Variants in FHIT observed in about 807,000 individuals in gnomAD.
The protein encoded by FHIT is fragile histidine triad diadenosine triphosphatase.
FHIT carries 19 observed loss-of-function variants against 17.9 expected under a neutral mutation model. That is an observed-to-expected ratio of 1.06 (90% CI 0.74 to 1.56). The LOEUF (loss-of-function observed/expected upper bound fraction) is 1.56. Among genes scored for constraint, FHIT ranks in the 40% most tolerant of loss-of-function variants. The probability of loss-of-function intolerance (pLI) is 0.00; values close to 1 mark genes in which losing one functional copy is unlikely to be tolerated. For synonymous variants in FHIT, 81 were observed against 69.7 expected, an observed-to-expected ratio of 1.16 and a Z score of -0.81; for missense variants, 248 against 189.2, an observed-to-expected ratio of 1.31 and a Z score of -1.82.
intron 8 of FHIT, among the ~76,000 whole-genome samples, chr3:59,894,114 C>G (rs995550235): frequency 6.6e-6 from 1 of 151,996 alleles, no homozygotes; most frequent in African/African-American, 2.4e-5. Context: ...TGTGGTGGTG[C>G]ACGCCTGTAG....
At chr3:61,168,757 C>T (rs1429632920) in intron 2 of FHIT, among the ~76,000 whole-genome samples, 1 of 152,210 alleles carries the variant, frequency 6.6e-6, no homozygotes, top group African/African-American at 2.4e-5. Flanking sequence ...TGCATACGCT[C>T]AATTATGAAA....
At chr3:60,616,222 A>G (rs185948743) in intron 4 of FHIT, among the ~76,000 whole-genome samples, 1 of 152,336 alleles carries the variant, frequency 6.6e-6, no homozygotes, top group African/African-American at 2.4e-5. Context: ...ACCTGTTACA[A>G]AAACTCACCC....
At chr3:61,237,395 G>A (rs900641664) in intron 1 of FHIT, among the ~76,000 whole-genome samples, 3 of 152,088 alleles carry the variant, frequency 2.0e-5, no homozygotes, top group African/African-American at 7.2e-5. Flanking sequence ...TTATATTCCT[G>A]TCTTTAACAT....
At chr3:60,820,926 C>G (rs1701903265) in intron 4 of FHIT, among the ~76,000 whole-genome samples, 1 of 151,836 alleles carries the variant, frequency 6.6e-6, no homozygotes, top group Non-Finnish European at 1.5e-5. Context: ...TGACGACATG[C>G]TAGAGATTAC....
At chr3:60,189,756 T>C (rs988088804) in intron 5 of FHIT, among the ~76,000 whole-genome samples, 10 of 152,220 alleles carry the variant, frequency 6.6e-5, no homozygotes, top group Non-Finnish European at 1.5e-4. Flanking sequence ...GTTTTTTCAT[T>C]TCAAAAGAGT....
chr3:60,273,477 G>A (rs892550597), intron 5 of FHIT, among the ~76,000 whole-genome samples: 14 of 151,946 alleles, frequency 9.2e-5, no homozygotes, highest in African/African-American at 2.9e-4. Context: ...AGGGGTGGTG[G>A]CGGGTGCCTG....
chr3:60,031,753 C>G (rs9860649), intron 5 of FHIT, among the ~76,000 whole-genome samples: 9,711 of 152,126 alleles, frequency 0.064, 1,011 homozygotes, highest in African/African-American at 0.22. Context: ...GAGTTCTTAA[C>G]CTGGGGGTCC....
chr3:60,433,645 C>T (rs2029938108), intron 5 of FHIT, among the ~76,000 whole-genome samples: 2 of 152,066 alleles, frequency 1.3e-5, no homozygotes. Flanking sequence ...CACTGCGGTT[C>T]TGATTCACAG....
intron 3 of FHIT, among the ~76,000 whole-genome samples, chr3:60,997,664 G>T (rs1280675904): frequency 3.9e-5 from 6 of 152,162 alleles, no homozygotes; most frequent in Non-Finnish European, 7.4e-5. Context: ...CCTGCAAGAA[G>T]TAACTAGCAG....
intron 3 of FHIT, among the ~76,000 whole-genome samples, chr3:60,962,673 A>G (rs919348684): frequency 6.6e-6 from 1 of 152,226 alleles, no homozygotes; most frequent in Non-Finnish European, 1.5e-5. Flanking sequence ...CCTTTTCTGC[A>G]TCTACTGAGA....
intron 7 of FHIT, among the ~76,000 whole-genome samples, chr3:59,942,471 G>C (rs966605138): frequency 6.6e-6 from 1 of 152,096 alleles, no homozygotes; most frequent in Non-Finnish European, 1.5e-5. Flanking sequence ...AGTGAGGTTG[G>C]TAAAAGGAAG....
At chr3:60,297,221 A>ATC in intron 5 of FHIT, among the ~76,000 whole-genome samples, 1 of 152,138 alleles carries the variant, frequency 6.6e-6, no homozygotes, top group Non-Finnish European at 1.5e-5. Flanking sequence ...AAAACTCTGT[A>ATC]TCAACTTGGG....
At chr3:60,084,026 T>C (rs2107058717) in intron 5 of FHIT, among the ~76,000 whole-genome samples, 1 of 131,906 alleles carries the variant, frequency 7.6e-6, no homozygotes, top group South Asian at 2.4e-4. Flanking sequence ...CCACCACATA[T>C]TAAGTGGGGA....
intron 5 of FHIT, among the ~76,000 whole-genome samples, chr3:60,213,345 T>G (rs1270471207): frequency 6.6e-6 from 1 of 152,198 alleles, no homozygotes; most frequent in African/African-American, 2.4e-5. Context: ...CACAGCTTTT[T>G]TGTGTCAAGT....
chr3:61,168,254 G>A (rs1488875777), intron 2 of FHIT, among the ~76,000 whole-genome samples: 2 of 152,190 alleles, frequency 1.3e-5, no homozygotes, highest in African/African-American at 2.4e-5. Flanking sequence ...AGTTGTGAAA[G>A]AATCAGTAGG....
At chr3:60,269,086 T>C (rs949956597) in intron 5 of FHIT, among the ~76,000 whole-genome samples, 7 of 152,202 alleles carry the variant, frequency 4.6e-5, no homozygotes, top group South Asian at 2.1e-4. Context: ...TTAAGACTTC[T>C]GGCCTCCAGA....
chr3:60,081,152 T>G (rs1323529279), intron 5 of FHIT, among the ~76,000 whole-genome samples: 1 of 152,110 alleles, frequency 6.6e-6, no homozygotes, highest in Admixed American at 6.6e-5. Context: ...AATGTTCCCA[T>G]TAGAATCACC....
intron 4 of FHIT, among the ~76,000 whole-genome samples, chr3:60,711,365 C>T (rs879958368): frequency 9.9e-5 from 15 of 152,168 alleles, no homozygotes; most frequent in South Asian, 2.1e-4. Context: ...AAAAGCAGAG[C>T]GCCTCTCCTC....
At chr3:61,120,863 A>T (rs2036437247) in intron 2 of FHIT, among the ~76,000 whole-genome samples, 1 of 152,014 alleles carries the variant, frequency 6.6e-6, no homozygotes, top group African/African-American at 2.4e-5. Flanking sequence ...GGTTAGAGGA[A>T]TTGCTAACTA....
Sources: allele counts gnomAD v4.1 joint callset (sites outside exome capture counted in the v4.1 genomes callset), GRCh38; gene constraint gnomAD v4.1.1; transcripts MANE v1.5; gene names NCBI Gene and HGNC (gene_info 2026-07-23, HGNC 2026-07-21).